GLCCI1: variants seen among roughly 807,000 people sequenced by gnomAD.
GLCCI1 encodes glucocorticoid induced 1.
In GLCCI1, 24 loss-of-function variants were observed where a neutral mutation model predicts 52.2. The ratio of observed to expected loss-of-function variants is 0.46; its 90% CI spans 0.33 to 0.65. The LOEUF is 0.65. GLCCI1 is among the 30% of genes least tolerant of loss of function. GLCCI1 has a pLI of 0.02. For synonymous variants in GLCCI1, 310 were observed against 276.5 expected, an observed-to-expected ratio of 1.12 and a Z score of -1.20; for missense variants, 704 against 701.5, an observed-to-expected ratio of 1.00 and a Z score of -0.04.
intron 1 of GLCCI1, among the ~76,000 whole-genome samples, chr7:7,995,040 G>A (rs970393633): frequency 6.6e-6 from 1 of 152,204 alleles, no homozygotes; most frequent in Non-Finnish European, 1.5e-5. Flanking sequence ...GTATGTCTGT[G>A]TATTTCTGTA....
intron 1 of GLCCI1, among the ~76,000 whole-genome samples, chr7:7,976,511 G>C (rs1366652179): frequency 9.0e-6 from 1 of 111,108 alleles, no homozygotes; most frequent in East Asian, 2.4e-4. Flanking sequence ...AAAGGAAAAA[G>C]GAAAGGAGAA....
chr7:8,051,702 G>A lies in GLCCI1; in HGVS notation c.697-3731G>A, dbSNP rs76023725. ...GTTAAGTTTAGACCTTATGATGGGT[G>A]TTAATTTATATTTCCCTCATTAGAA... On this transcript the variant is annotated intron_variant, in intron 3 of 7. Coordinates refer to ENST00000223145, the MANE Select transcript of GLCCI1 (RefSeq NM_138426.4). 4.5e-3 allele frequency among the ~76,000 whole-genome samples: 681 copies of A among 152,266 alleles called. 16 individuals carry two copies. The East Asian group carries it at 0.076, about 17-fold the overall frequency.
intron 3 of GLCCI1, among the ~76,000 whole-genome samples, chr7:8,034,822 C>G (rs549824694): frequency 1.3e-5 from 2 of 152,126 alleles, no homozygotes; most frequent in Non-Finnish European, 2.9e-5. Flanking sequence ...GCTCCCCTTC[C>G]CCTCGCAGCA....
chr7:8,055,619 A>G (rs774796048), intron 4 of GLCCI1, 70 bp downstream of exon 4: 24 of 905,742 alleles, frequency 2.6e-5, no homozygotes, highest in Non-Finnish European at 4.3e-5. Flanking sequence ...TCATCATTTC[A>G]GCATTTAAAA....
At chr7:8,024,403 AT>A (rs1175755029) in intron 3 of GLCCI1, among the ~76,000 whole-genome samples, 1 of 152,266 alleles carries the variant, frequency 6.6e-6, no homozygotes, top group African/African-American at 2.4e-5. Flanking sequence ...CTGGCTTACT[AT>A]AACTACATGT....
intron 1 of GLCCI1, among the ~76,000 whole-genome samples, chr7:7,984,820 A>G (rs1379901798): frequency 1.3e-5 from 2 of 152,252 alleles, no homozygotes; most frequent in African/African-American, 4.8e-5. Context: ...TGAGTTTTAC[A>G]ATTCTGAGGA....
chr7:7,985,094 A>G (rs1224956533), intron 1 of GLCCI1, among the ~76,000 whole-genome samples: 1 of 152,212 alleles, frequency 6.6e-6, no homozygotes, highest in African/African-American at 2.4e-5. Flanking sequence ...CAGAGCAGTA[A>G]GTAAGCATAA....
chr7:7,997,160 T>G (rs1450520980), intron 1 of GLCCI1, among the ~76,000 whole-genome samples: 1 of 152,188 alleles, frequency 6.6e-6, no homozygotes, highest in East Asian at 1.9e-4. Flanking sequence ...TAGAAAAACA[T>G]ACCAGTCACC....
chr7:7,987,781 A>G (rs1453903988), intron 1 of GLCCI1, among the ~76,000 whole-genome samples: 4 of 151,850 alleles, frequency 2.6e-5, no homozygotes, highest in Non-Finnish European at 5.9e-5. Context: ...TATTTTTTTT[A>G]GAAATGGGGT....
At chr7:8,027,473 G>C (rs1049775028) in intron 3 of GLCCI1, among the ~76,000 whole-genome samples, 13 of 152,050 alleles carry the variant, frequency 8.5e-5, no homozygotes, top group African/African-American at 2.4e-4. Context: ...GGGTAACAGA[G>C]TGAAACCCTA....
chr7:8,009,589 A>AC (rs948396969), intron 2 of GLCCI1, among the ~76,000 whole-genome samples: 1 of 152,152 alleles, frequency 6.6e-6, no homozygotes, highest in African/African-American at 2.4e-5. Flanking sequence ...GCTTTAAAGA[A>AC]CTGGTGCATT....
intron 2 of GLCCI1, among the ~76,000 whole-genome samples, chr7:8,004,614 T>C (rs1329395379): frequency 6.6e-6 from 1 of 152,214 alleles, no homozygotes; most frequent in Non-Finnish European, 1.5e-5. Flanking sequence ...TTCATGATTA[T>C]CTGAGTTCTT....
rs1782300859 is a variant in GLCCI1, at chr7:8,053,240, T to C, written c.697-2193T>C. ...CTTATTACTCTCTCTATAGTTATTA[T>C]TTATTCCTTGTGACCCAGGATCACT... On this transcript the variant is annotated intron_variant, in intron 3 of 7. Coordinates refer to ENST00000223145, the MANE Select transcript of GLCCI1 (RefSeq NM_138426.4). 2.6e-5 allele frequency among the ~76,000 whole-genome samples: 4 copies of C among 151,870 alleles called. No individual in the cohort carries two copies. The South Asian group carries it at 8.3e-4, about 31-fold the overall frequency.
intron 1 of GLCCI1, among the ~76,000 whole-genome samples, chr7:7,985,218 G>A (rs1780698297): frequency 6.6e-6 from 1 of 152,118 alleles, no homozygotes; most frequent in South Asian, 2.1e-4. Flanking sequence ...CCAGGGAAAT[G>A]TGTGTATGTA....
At chr7:7,978,630 TAGG>T (rs1455179443) in intron 1 of GLCCI1, among the ~76,000 whole-genome samples, 4 of 152,158 alleles carry the variant, frequency 2.6e-5, no homozygotes, top group Non-Finnish European at 5.9e-5. Context: ...TGTTTATTGT[TAGG>T]AGAGCAAAAG....
chr7:7,969,741 T>A lies in GLCCI1; in HGVS notation c.391T>A (p.Ser131Thr). 2.7e-6 allele frequency: 4 copies of A among 1,461,794 alleles called. No individual in the cohort carries two copies. The highest frequency in any genetic ancestry group is 3.6e-6 in the Non-Finnish European group (4 of 1,109,524). 90.6% of individuals were successfully genotyped at this position (1,461,794 alleles called of 1,614,324 possible). A position where few individuals can be genotyped will look rare whatever the true frequency, so the allele number is the denominator to read the frequency against. ...APRAKGRPRRSPESHRRSSSP... is the reference protein window; with the variant it reads ...APRAKGRPRRTPESHRRSSSP... ...GCGGGCCAAGGGCCGCCCGAGACGG[T>A]CCCCAGAGAGCCACCGGAGGAGCAG... is the stretch of plus-strand genomic sequence containing the variant. The change falls in exon 1 of 8, where the codon TCC (serine) becomes ACC (threonine). Residue 131 changes from serine (S) to threonine (T), a missense_variant. Physicochemically the swap from Ser to Thr is moderately conservative, Grantham distance 58. Transcript: ENST00000223145. The surrounding 1 kb of genome is among the most constrained non-coding windows in gnomAD (Gnocchi z 4.9).
At chr7:8,069,175 C>T (rs1056531111) in intron 5 of GLCCI1, among the ~76,000 whole-genome samples, 18 of 152,002 alleles carry the variant, frequency 1.2e-4, no homozygotes, top group African/African-American at 4.1e-4. Context: ...GGGACCTTGG[C>T]AGTGGCTATG....
chr7:8,001,932 A>G (rs1275985905), intron 1 of GLCCI1, among the ~76,000 whole-genome samples: 1 of 152,100 alleles, frequency 6.6e-6, no homozygotes, highest in Non-Finnish European at 1.5e-5. Flanking sequence ...AACATCACAC[A>G]CCAGGGCCTC....
At position 8,070,726 on chromosome 7, in the gene GLCCI1, T is replaced by C. The variant is rs1405105657; in HGVS notation, c.967-195T>C. On this transcript the variant is annotated intron_variant, in intron 5 of 7. Transcript: ENST00000223145. ...GGAATTTTTAAGGCAAACAATTTGATTTAAAAGAAATGTTTAGTTCAATAA... is the reference window on the plus strand; with the variant it reads ...GGAATTTTTAAGGCAAACAATTTGACTTAAAAGAAATGTTTAGTTCAATAA... 14 of 554,440 alleles carry C rather than the reference T, an allele frequency of 2.5e-5. No homozygotes were observed. In the East Asian group the frequency reaches 4.3e-4, roughly 17 times the overall value. 34.3% of individuals were successfully genotyped at this position (554,440 alleles called of 1,614,324 possible).
Sources: gnomAD v4.1 joint callset for allele counts (sites outside exome capture counted in the v4.1 genomes callset) on GRCh38, gnomAD v4.1.1 for gene constraint, Gnocchi (gnomAD v3.1) non-coding constraint, MANE v1.5 for transcripts, NCBI Gene and HGNC (gene_info 2026-07-23, HGNC 2026-07-21) for gene names.